The following TMEM117 variants were observed in gnomAD, a reference collection of about 807,000 sequenced individuals.
The protein encoded by TMEM117 is transmembrane protein 117.
A neutral mutation model predicts 52.4 loss-of-function variants in TMEM117; 27 were observed. That is an observed-to-expected ratio of 0.51 (90% confidence interval 0.38 to 0.71). The LOEUF (loss-of-function observed/expected upper bound fraction) is 0.71. TMEM117 is among the 30% of genes least tolerant of loss of function. TMEM117 has a pLI of 0.00. For missense variants in TMEM117, 556 were observed against 630.5 expected (o/e 0.88, Z 1.26); for synonymous variants, 215 against 206.3 (o/e 1.04, Z -0.36).
chr12:44,262,367 AAG>A (rs1011169281), intron 5 of TMEM117, among the ~76,000 whole-genome samples: 7 of 152,216 alleles, frequency 4.6e-5, no homozygotes, highest in Admixed American at 2.6e-4. Flanking sequence ...TAGAAAACTG[AAG>A]AGAGAGTTAA....
intron 6 of TMEM117, among the ~76,000 whole-genome samples, chr12:44,322,311 G>T (rs2138702496): frequency 6.6e-6 from 1 of 152,188 alleles, no homozygotes; most frequent in South Asian, 2.1e-4. Flanking sequence ...TGTATTTTCT[G>T]ACCTAACGAG....
chr12:43,910,643 A>G (rs1265126165), intron 2 of TMEM117, among the ~76,000 whole-genome samples: 6 of 151,330 alleles, frequency 4.0e-5, no homozygotes, highest in Admixed American at 1.3e-4. Context: ...CAACTTCAGC[A>G]AAGTCTCAGG....
upstream of TMEM117, among the ~76,000 whole-genome samples, chr12:43,835,735 G>A (rs569418999): frequency 9.9e-5 from 15 of 152,256 alleles, no homozygotes; most frequent in African/African-American, 2.9e-4. Flanking sequence ...CCAGGTTCCT[G>A]AGTCCGTCCC....
chr12:44,223,954 G>A (rs886764478), intron 5 of TMEM117, among the ~76,000 whole-genome samples: 2 of 152,178 alleles, frequency 1.3e-5, no homozygotes, highest in Non-Finnish European at 2.9e-5. Context: ...CCATCATCCT[G>A]GCTGTCAATC....
At chr12:44,003,248 A>G (rs1220222295) in intron 3 of TMEM117, among the ~76,000 whole-genome samples, 1 of 152,304 alleles carries the variant, frequency 6.6e-6, no homozygotes, top group East Asian at 1.9e-4. Flanking sequence ...GAGTGGAGAA[A>G]AACCTAGAAG....
intron 3 of TMEM117, among the ~76,000 whole-genome samples, chr12:44,078,558 G>A (rs1382357337): frequency 6.6e-6 from 1 of 152,098 alleles, no homozygotes; most frequent in East Asian, 1.9e-4. Flanking sequence ...AGGCACTTTG[G>A]TGCTCAACTT....
rs148682103 is a variant in TMEM117, at chr12:44,273,920, A to G, written c.609-25660A>G. ...CTCTAAGATCTGGAACATGACAAGA[A>G]TGCCCACTTTCAACACTGTTGGTCA... On this transcript the variant is annotated intron_variant, in intron 5 of 7. Transcript: ENST00000266534. Among the ~76,000 whole-genome samples the G allele has an allele frequency of 8.3e-4, 126 of 152,308 alleles. 2 individuals are homozygous for G. In the East Asian group the frequency reaches 0.023, roughly 28 times the overall value.
rs538386110 is a variant in TMEM117 at position 43,898,361 on chromosome 12, ATAT to A, written c.278-45843_278-45841del. ...TTTCAGGATATATTGTGATTAATAT[ATAT>A]TATTAATAATATATATTAATTAATA... On this transcript the variant is annotated intron_variant, in intron 2 of 7. Transcript: ENST00000266534. 2.2e-3 allele frequency among the ~76,000 whole-genome samples: 330 copies of A among 148,358 alleles called. 2 individuals are homozygous for A. The highest frequency in any genetic ancestry group is 7.4e-3 in the African/African-American group (300 of 40,776).
the TMEM117 span, chr12:43,805,550 G>C: frequency 2.2e-6 from 1 of 458,940 alleles, no homozygotes; most frequent in African/African-American, 2.0e-5. Context: ...TTCAAACCAG[G>C]AAATAATGGA....
chr12:44,290,718 A>G (rs1592669680), intron 5 of TMEM117, among the ~76,000 whole-genome samples: 1 of 152,128 alleles, frequency 6.6e-6, no homozygotes, highest in Non-Finnish European at 1.5e-5. Context: ...GCTCACTGCA[A>G]ACTCAAACTC....
intron 5 of TMEM117, among the ~76,000 whole-genome samples, chr12:44,237,773 TATCTGATA>T (rs1950016179): frequency 1.3e-5 from 2 of 152,092 alleles, no homozygotes; most frequent in African/African-American, 4.8e-5. Flanking sequence ...TAATCATCAT[TATCTGATA>T]TAATTCATGG....
chr12:43,934,678 G>A (rs1944922330), intron 2 of TMEM117, among the ~76,000 whole-genome samples: 1 of 151,954 alleles, frequency 6.6e-6, no homozygotes, highest in African/African-American at 2.4e-5. Flanking sequence ...TCAATATTCA[G>A]TGTTTGATAT....
At chr12:44,214,503 A>T (rs1949690974) in intron 5 of TMEM117, among the ~76,000 whole-genome samples, 1 of 152,124 alleles carries the variant, frequency 6.6e-6, no homozygotes, top group African/African-American at 2.4e-5. Context: ...GTGATAACAT[A>T]GCCCAGTGGG....
intron 6 of TMEM117, among the ~76,000 whole-genome samples, chr12:44,339,276 A>T (rs767447608): frequency 2.0e-5 from 3 of 152,056 alleles, no homozygotes. Flanking sequence ...ATCCAAGCTC[A>T]AAGAAATCCT....
intron 3 of TMEM117, among the ~76,000 whole-genome samples, chr12:44,116,972 T>G (rs1948155352): frequency 6.6e-6 from 1 of 152,192 alleles, no homozygotes; most frequent in Non-Finnish European, 1.5e-5. Flanking sequence ...TGAATGTTAA[T>G]AAAACACAAA....
chr12:44,396,471 G>C, the TMEM117 span, among the ~76,000 whole-genome samples: 1 of 147,230 alleles, frequency 6.8e-6, no homozygotes, highest in Non-Finnish European at 1.5e-5. Flanking sequence ...GACTTGGTGT[G>C]GGGGGGAGGA....
At chr12:43,950,076 A>G (rs1211642931) in intron 3 of TMEM117, among the ~76,000 whole-genome samples, 1 of 152,172 alleles carries the variant, frequency 6.6e-6, no homozygotes, top group Non-Finnish European at 1.5e-5. Flanking sequence ...TAGTGAAAAA[A>G]ATCATATTGA....
chr12:43,919,933 C>T (rs1032448627), intron 2 of TMEM117, among the ~76,000 whole-genome samples: 7 of 151,504 alleles, frequency 4.6e-5, no homozygotes, highest in South Asian at 2.1e-4. Flanking sequence ...TGATGCAATT[C>T]GTATTTATAT....
At chr12:44,328,947 T>G (rs1034008205) in intron 6 of TMEM117, among the ~76,000 whole-genome samples, 1 of 151,714 alleles carries the variant, frequency 6.6e-6, no homozygotes, top group African/African-American at 2.4e-5. Context: ...TCAAGACAAA[T>G]TATACTTCTC....
Sources: gnomAD v4.1 joint callset for allele counts (sites outside exome capture counted in the v4.1 genomes callset) on GRCh38, gnomAD v4.1.1 for gene constraint, MANE v1.5 for transcripts, NCBI Gene and HGNC (gene_info 2026-07-23, HGNC 2026-07-21) for gene names.